CYP2J2: variants seen among roughly 807,000 people sequenced by gnomAD.
CYP2J2 encodes the protein cytochrome P450 family 2 subfamily J member 2, also known as cytochrome P450 2J2.
CYP2J2 carries 41 observed loss-of-function variants against 48.8 expected under a neutral mutation model. The observed-to-expected ratio is 0.84, with a 90% confidence interval of 0.66 to 1.09. The LOEUF is 1.09. CYP2J2 is among the 50% of genes least tolerant of loss of function. The probability of loss-of-function intolerance (pLI) is 0.00; values close to 1 mark genes in which losing one functional copy is unlikely to be tolerated. For synonymous variants in CYP2J2, 221 were observed against 227.1 expected (o/e 0.97, Z 0.24); for missense variants, 644 against 617.3 (o/e 1.04, Z -0.46).
the CYP2J2 span, among the ~76,000 whole-genome samples, chr1:59,939,220 G>A: frequency 2.0e-5 from 3 of 152,092 alleles, no homozygotes; most frequent in Admixed American, 6.6e-5. Context: ...GTTTGTATCC[G>A]TTCTTCCTGG....
At position 59,921,141 on chromosome 1, in the gene CYP2J2, T is replaced by C. The variant is rs556641831; in HGVS notation, c.211-5041A>G. 2.0e-5 allele frequency among the ~76,000 whole-genome samples: 3 copies of C among 152,320 alleles called. No individual in the cohort carries two copies. The East Asian group carries it at 5.8e-4, about 29-fold the overall frequency. On this transcript the variant is annotated intron_variant, in intron 1 of 8. Transcript: ENST00000371204. ...ACAGCCTTGTATTTTGCCTGGCATA[T>C]GATAAGCACTTAATAAATGTCTGTT...
At chr1:59,952,143 C>CTG in the CYP2J2 span, among the ~76,000 whole-genome samples, 1 of 152,054 alleles carries the variant, frequency 6.6e-6, no homozygotes, top group Non-Finnish European at 1.5e-5. Context: ...TAATGAAGTG[C>CTG]TGGGGGCTGC....
the CYP2J2 span, among the ~76,000 whole-genome samples, chr1:59,959,666 CAT>C: frequency 6.6e-6 from 1 of 151,630 alleles, no homozygotes; most frequent in African/African-American, 2.4e-5. Flanking sequence ...TGCACATATA[CAT>C]ATATATACAT....
At chr1:59,956,157 T>A in the CYP2J2 span, among the ~76,000 whole-genome samples, 50 of 152,116 alleles carry the variant, frequency 3.3e-4, no homozygotes, top group Middle Eastern at 6.8e-3. Context: ...GGCAAATAGA[T>A]CAAAATGTTA....
intron 2 of CYP2J2, among the ~76,000 whole-genome samples, chr1:59,914,979 G>A (rs1189845840): frequency 6.6e-6 from 1 of 152,222 alleles, no homozygotes; most frequent in Non-Finnish European, 1.5e-5. Context: ...TGGCAGCAAC[G>A]CTGCTCTGTT....
At chr1:59,952,322 T>C in the CYP2J2 span, among the ~76,000 whole-genome samples, 13 of 151,768 alleles carry the variant, frequency 8.6e-5, 1 homozygote, top group Admixed American at 1.3e-4. Context: ...TTTTTTTTTT[T>C]CTAAACTTCC....
chr1:59,895,974 C>T (rs1432525855), intron 8 of CYP2J2, among the ~76,000 whole-genome samples: 1 of 152,160 alleles, frequency 6.6e-6, no homozygotes, highest in Non-Finnish European at 1.5e-5. Context: ...TAATCTGTTA[C>T]TATCATTACT....
At chr1:59,909,699 T>A (rs1179906465) in intron 5 of CYP2J2, 85 bp downstream of exon 5, 2 of 985,680 alleles carry the variant, frequency 2.0e-6, no homozygotes, top group African/African-American at 3.4e-5. Flanking sequence ...AAGTTTGTGA[T>A]CATATTTTAC....
chr1:59,941,968 CT>C, the CYP2J2 span, among the ~76,000 whole-genome samples: 1 of 152,034 alleles, frequency 6.6e-6, no homozygotes, highest in Non-Finnish European at 1.5e-5. Flanking sequence ...TAGTAGTGTC[CT>C]AGGTCTTCAC....
At chr1:59,927,500 C>A (rs1644577486), upstream of CYP2J2, among the ~76,000 whole-genome samples, 1 of 152,176 alleles carries the variant, frequency 6.6e-6, no homozygotes, top group Non-Finnish European at 1.5e-5. Flanking sequence ...AATGGTGAGA[C>A]TGAAAACATG....
intron 7 of CYP2J2, among the ~76,000 whole-genome samples, chr1:59,901,979 ACT>A (rs1189813645): frequency 6.6e-6 from 1 of 151,752 alleles, no homozygotes; most frequent in East Asian, 1.9e-4. Context: ...CAGGGCAAAG[ACT>A]CTTCACCTGG....
the CYP2J2 span, among the ~76,000 whole-genome samples, chr1:59,936,816 T>C: frequency 0.12 from 18,779 of 152,104 alleles, 1,560 homozygotes; most frequent in African/African-American, 0.24. Flanking sequence ...TTCAAAGGAA[T>C]TGTTAACTGG....
chr1:59,969,020 G>A, the CYP2J2 span, among the ~76,000 whole-genome samples: 1 of 152,120 alleles, frequency 6.6e-6, no homozygotes, highest in South Asian at 2.1e-4. Context: ...AGCTCTTAAG[G>A]CAGTGCGTCT....
At chr1:59,960,042 T>C in the CYP2J2 span, among the ~76,000 whole-genome samples, 2 of 152,120 alleles carry the variant, frequency 1.3e-5, no homozygotes, top group South Asian at 2.1e-4. Context: ...CCAAAACCTA[T>C]TGAAATAATA....
chr1:59,932,477 T>C, the CYP2J2 span, among the ~76,000 whole-genome samples: 1 of 152,160 alleles, frequency 6.6e-6, no homozygotes, highest in African/African-American at 2.4e-5. Context: ...CATGCTTTTA[T>C]AAAAGTAAGT....
chr1:59,939,354 G>T, the CYP2J2 span, among the ~76,000 whole-genome samples: 1 of 152,180 alleles, frequency 6.6e-6, no homozygotes, highest in Non-Finnish European at 1.5e-5. Flanking sequence ...TGCCTTGATG[G>T]TCTTAGACAA....
intron 2 of CYP2J2, among the ~76,000 whole-genome samples, chr1:59,915,463 T>G (rs558977612): frequency 1.3e-5 from 2 of 151,742 alleles, no homozygotes; most frequent in East Asian, 3.9e-4. Flanking sequence ...TAAGTGTTCA[T>G]GCCAATCTGT....
At chr1:59,940,280 T>C in the CYP2J2 span, among the ~76,000 whole-genome samples, 5 of 152,276 alleles carry the variant, frequency 3.3e-5, no homozygotes, top group South Asian at 1.0e-3. Flanking sequence ...GACTCTTCAG[T>C]TAGCAAGTGA....
intron 5 of CYP2J2, among the ~76,000 whole-genome samples, chr1:59,908,651 C>T (rs1167486796): frequency 6.6e-6 from 1 of 152,180 alleles, no homozygotes; most frequent in African/African-American, 2.4e-5. Flanking sequence ...GAAAACAATA[C>T]TTCTATAAAT....
Sources: allele counts gnomAD v4.1 joint callset (sites outside exome capture counted in the v4.1 genomes callset), GRCh38; gene constraint gnomAD v4.1.1; transcripts MANE v1.5; gene names NCBI Gene and HGNC (gene_info 2026-07-23, HGNC 2026-07-21).